The following AGBL1 variants were observed in gnomAD, a reference collection of about 807,000 sequenced individuals.
AGBL1 encodes the protein cytosolic carboxypeptidase 4.
Under a neutral mutation model 118.9 loss-of-function variants are expected in AGBL1, and 130 were observed. The observed-to-expected ratio is 1.09, with a 90% CI of 0.95 to 1.26. The LOEUF (loss-of-function observed/expected upper bound fraction) is 1.26, where lower values mean the gene tolerates loss of function less well. Among genes scored for constraint, AGBL1 ranks in the 50% most tolerant of loss-of-function variants. The pLI is 0.00. For missense variants in AGBL1, 1,584 were observed against 1,298.1 expected, an observed-to-expected ratio of 1.22 and a Z score of -3.38; for synonymous variants, 555 against 478.9, an observed-to-expected ratio of 1.16 and a Z score of -2.08.
At chr15:87,028,693 A>G in intron 24 of AGBL1, 2 of 736,154 alleles carry the variant, frequency 2.7e-6, no homozygotes, top group Non-Finnish European at 4.5e-6. Context: ...TGTAAGTATG[A>G]TTGTTTATAA....
At chr15:86,669,335 A>G (rs2142537183) in intron 21 of AGBL1, among the ~76,000 whole-genome samples, 1 of 152,304 alleles carries the variant, frequency 6.6e-6, no homozygotes, top group South Asian at 2.1e-4. Context: ...AATTATTAAT[A>G]TGGAACAAAA....
At chr15:86,245,758 G>C (rs1326617183) in intron 6 of AGBL1, among the ~76,000 whole-genome samples, 1 of 152,128 alleles carries the variant, frequency 6.6e-6, no homozygotes, top group Non-Finnish European at 1.5e-5. Context: ...ATCCCTGCTG[G>C]GTGGGCTTCC....
At chr15:86,355,555 C>A (rs1250463452) in intron 17 of AGBL1, among the ~76,000 whole-genome samples, 3 of 152,206 alleles carry the variant, frequency 2.0e-5, no homozygotes, top group Admixed American at 1.3e-4. Context: ...AGCCTTCACC[C>A]AAGCTTTTGC....
At chr15:86,184,429 C>CTTTTTT (rs199807402) in intron 5 of AGBL1, among the ~76,000 whole-genome samples, 19 of 144,490 alleles carry the variant, frequency 1.3e-4, no homozygotes, top group African/African-American at 4.3e-4. Context: ...TTTCTTTTTT[C>CTTTTTT]TTTCTTTTTT....
chr15:86,142,718 T>C (rs931745839), intron 2 of AGBL1, among the ~76,000 whole-genome samples: 3 of 152,202 alleles, frequency 2.0e-5, no homozygotes, highest in Non-Finnish European at 4.4e-5. Context: ...TTGGGGTCTT[T>C]CCATGGTTTG....
chr15:86,537,821 A>C (rs1490145640), intron 19 of AGBL1, among the ~76,000 whole-genome samples: 1 of 152,112 alleles, frequency 6.6e-6, no homozygotes, highest in Non-Finnish European at 1.5e-5. Context: ...CTCCTTTAGG[A>C]CTTCTTATAC....
chr15:86,192,834 G>A (rs2141833202), intron 5 of AGBL1, among the ~76,000 whole-genome samples: 1 of 152,090 alleles, frequency 6.6e-6, no homozygotes, highest in East Asian at 1.9e-4. Context: ...TGCAGATACA[G>A]GTTATAAAAC....
intron 21 of AGBL1, among the ~76,000 whole-genome samples, chr15:86,658,918 T>C (rs2447275): frequency 0.43 from 65,471 of 151,986 alleles, 14,936 homozygotes; most frequent in Middle Eastern, 0.57. Flanking sequence ...TGGGATGCAC[T>C]ACCAAGCATC....
intron 22 of AGBL1, among the ~76,000 whole-genome samples, chr15:86,694,234 A>G (rs1596376634): frequency 6.6e-6 from 1 of 152,026 alleles, no homozygotes; most frequent in Admixed American, 6.6e-5. Context: ...GGAGCATGGG[A>G]TGTGTTTCCA....
At chr15:86,401,784 T>C (rs181016401) in intron 18 of AGBL1, among the ~76,000 whole-genome samples, 1 of 152,216 alleles carries the variant, frequency 6.6e-6, no homozygotes, top group East Asian at 1.9e-4. Context: ...TTTCTGGATA[T>C]TCTATTTTGT....
chr15:86,719,690 G>C (rs2142715646), intron 22 of AGBL1, among the ~76,000 whole-genome samples: 1 of 152,158 alleles, frequency 6.6e-6, no homozygotes, highest in Non-Finnish European at 1.5e-5. Context: ...GATGGTAAAG[G>C]GTGATGGAAG....
intron 22 of AGBL1, among the ~76,000 whole-genome samples, chr15:86,715,380 C>G (rs1284421733): frequency 6.6e-6 from 1 of 152,218 alleles, no homozygotes; most frequent in Non-Finnish European, 1.5e-5. Context: ...GCCCCTCACA[C>G]AGCTACAATC....
rs542930937 is a variant in AGBL1, at chr15:86,251,400, C to T, written c.735+3521C>T. Among the ~76,000 whole-genome samples, 4 of 152,084 alleles carry T rather than the reference C, an allele frequency of 2.6e-5. No homozygotes were observed. The East Asian group carries it at 7.7e-4, about 29-fold the overall frequency. On this transcript the variant is annotated intron_variant, in intron 7 of 22. Transcript: ENST00000614907. The stretch of plus-strand genomic sequence containing the variant: ...CTGACTCAGTAGGGCTCTGGTGGGG[C>T]CTGAGAATGTGCTTTCCTGACAACT...
intron 17 of AGBL1, among the ~76,000 whole-genome samples, chr15:86,348,366 A>G (rs1046614567): frequency 2.6e-5 from 4 of 152,224 alleles, no homozygotes; most frequent in Non-Finnish European, 5.9e-5. Context: ...TGCAGCTCAC[A>G]AAAATATCTC....
At chr15:86,985,624 A>ATTT (rs35823170) in intron 23 of AGBL1, among the ~76,000 whole-genome samples, 4 of 150,454 alleles carry the variant, frequency 2.7e-5, no homozygotes, top group African/African-American at 7.3e-5. Context: ...TTTTGTTCCA[A>ATTT]TTTTTTTTTT....
intron 18 of AGBL1, among the ~76,000 whole-genome samples, chr15:86,408,845 G>C (rs2081571816): frequency 6.6e-6 from 1 of 151,880 alleles, no homozygotes; most frequent in South Asian, 2.1e-4. Flanking sequence ...ATTCAGAAGG[G>C]GTCTGAGGAA....
Position 86,536,856 on chromosome 15 carries a change from A to G in AGBL1, c.2686-9146A>G, listed in dbSNP as rs543334039. Among the ~76,000 whole-genome samples the G allele has an allele frequency of 1.1e-4, 17 of 152,208 alleles. 1 individual carries two copies. Among genetic ancestry groups the G allele is most frequent in the Non-Finnish European group, 2.5e-4 (17 of 68,034 alleles). The stretch of plus-strand genomic sequence containing the variant: ...TGGGGCCACAGGGACTAATTTTGCC[A>G]TAAGGCTGCTCTCCGTGAAGGCCAG... On this transcript the variant is annotated intron_variant, in intron 19 of 22. Transcript: ENST00000614907.
chr15:86,432,387 T>TA (rs1790696520), intron 18 of AGBL1, among the ~76,000 whole-genome samples: 4 of 152,210 alleles, frequency 2.6e-5, no homozygotes, highest in Non-Finnish European at 4.4e-5. Flanking sequence ...TCGATAGTTT[T>TA]GAGGAGTCCT....
chr15:86,990,351 C>A (rs2081325746), intron 24 of AGBL1, among the ~76,000 whole-genome samples: 1 of 152,094 alleles, frequency 6.6e-6, no homozygotes, highest in Non-Finnish European at 1.5e-5. Flanking sequence ...CCTGTCTGTA[C>A]TAAAAATACA....
Sources: allele counts gnomAD v4.1 joint callset (sites outside exome capture counted in the v4.1 genomes callset), GRCh38; gene constraint gnomAD v4.1.1; transcripts MANE v1.5; gene names NCBI Gene and HGNC (gene_info 2026-07-23, HGNC 2026-07-21).